Variants in NEMP2 observed in about 807,000 individuals in gnomAD.
The protein encoded by NEMP2 is UPF0571 transmembrane protein.
NEMP2 carries 53 observed loss-of-function variants against 54.2 expected under a neutral mutation model. The ratio of observed to expected loss-of-function variants is 0.98; its 90% CI spans 0.78 to 1.23. NEMP2 has a LOEUF of 1.23. Among genes scored for constraint, NEMP2 ranks in the 50% most tolerant of loss-of-function variants. NEMP2 has a pLI of 0.00. For synonymous variants in NEMP2, 197 were observed against 190.3 expected (o/e 1.04, Z -0.29); for missense variants, 455 against 511.3 (o/e 0.89, Z 1.06).
chr2:190,515,045 TGAAAG>T (rs1049972705), intron 6 of NEMP2, among the ~76,000 whole-genome samples: 2 of 152,138 alleles, frequency 1.3e-5, no homozygotes, highest in African/African-American at 4.8e-5. Context: ...CTTCTTGTCA[TGAAAG>T]GAAAAGGTAA....
chr2:190,454,938 A>G, the NEMP2 span, among the ~76,000 whole-genome samples: 10 of 40,702 alleles, frequency 2.5e-4, no homozygotes, highest in South Asian at 1.0e-3. The surrounding 1 kb of genome is among the most constrained non-coding windows in gnomAD (Gnocchi z 4.6). Context: ...TTCTGTATGT[A>G]TATGTATATG....
the NEMP2 span, among the ~76,000 whole-genome samples, chr2:190,605,185 G>C: frequency 6.6e-6 from 1 of 151,824 alleles, no homozygotes; most frequent in Non-Finnish European, 1.5e-5. Flanking sequence ...ATTTAATTAC[G>C]TCATTCTCTT....
rs1290746960 is a variant in NEMP2, at chr2:190,510,939, C to G, written c.954-402G>C. ...TTCTTAGATGGTAACAGTAATAATA[C>G]TTCTTAACTTCCTCTATATCATATC... On this transcript the variant is annotated intron_variant, in intron 7 of 8. Transcript: ENST00000409150. This position sits in a 1 kb window ranked among gnomAD's most constrained non-coding sequence, Gnocchi z 5.7. Among the ~76,000 whole-genome samples the G allele has an allele frequency of 1.3e-5, 2 of 151,094 alleles. No homozygotes were observed. Among genetic ancestry groups the G allele is most frequent in the Non-Finnish European group, 3.0e-5 (2 of 67,776 alleles).
the NEMP2 span, among the ~76,000 whole-genome samples, chr2:190,633,376 C>G: frequency 3.4e-4 from 51 of 148,822 alleles, no homozygotes; most frequent in Non-Finnish European, 5.0e-4. Flanking sequence ...TGCAATGGCG[C>G]GATCTTGGCT....
chr2:190,556,474 G>T, the NEMP2 span, among the ~76,000 whole-genome samples: 1 of 152,148 alleles, frequency 6.6e-6, no homozygotes, highest in Non-Finnish European at 1.5e-5. Context: ...GGAAGTTCTG[G>T]CCAGGGCAAT....
the NEMP2 span, among the ~76,000 whole-genome samples, chr2:190,546,994 G>A: frequency 9.9e-5 from 15 of 152,172 alleles, no homozygotes; most frequent in East Asian, 1.5e-3. The surrounding 1 kb of genome is among the most constrained non-coding windows in gnomAD (Gnocchi z 5.1). Flanking sequence ...GCTGACACTG[G>A]GTTCTCACAC....
the NEMP2 span, chr2:190,626,041 T>C: frequency 6.4e-6 from 1 of 155,480 alleles, no homozygotes; most frequent in Non-Finnish European, 1.4e-5. The surrounding 1 kb of genome is among the most constrained non-coding windows in gnomAD (Gnocchi z 4.5). Context: ...AAGATGCAGA[T>C]TCAGTGTCTG....
Position 190,522,880 on chromosome 2 carries a change from T to C in NEMP2, c.213+2383A>G, listed in dbSNP as rs1690799031. Among the ~76,000 whole-genome samples the C allele has an allele frequency of 6.6e-6, 1 of 152,186 alleles. No individual in the cohort carries two copies. The highest frequency in any genetic ancestry group is 6.5e-5 in the Admixed American group (1 of 15,268). Reference sequence around the variant, plus strand: ...CACTGCACCCCTCTCTGCTTCAAGTTGTCCCACCTTTCTGGACCTAACTAA... The same window carrying C: ...CACTGCACCCCTCTCTGCTTCAAGTCGTCCCACCTTTCTGGACCTAACTAA... On this transcript the variant is annotated intron_variant, in intron 2 of 8. Coordinates refer to ENST00000409150, the MANE Select transcript of NEMP2 (RefSeq NM_001142645.2). This position sits in a 1 kb window ranked among gnomAD's most constrained non-coding sequence, Gnocchi z 5.0.
chr2:190,648,537 T>TA, the NEMP2 span: 22,189 of 145,006 alleles, frequency 0.15, 1,768 homozygotes, highest in East Asian at 0.21. Flanking sequence ...TTTTTTTTTT[T>TA]TAAAGTCAGC....
At chr2:190,524,746 C>T (rs1416706999) in intron 2 of NEMP2, among the ~76,000 whole-genome samples, 5 of 152,136 alleles carry the variant, frequency 3.3e-5, no homozygotes, top group Admixed American at 2.0e-4. Context: ...ATGTAAATAT[C>T]CACAATGGCA....
Position 190,514,277 on chromosome 2 carries a change from G to A in NEMP2, c.953+176C>T, listed in dbSNP as rs764123056. Among the ~76,000 whole-genome samples the A allele has an allele frequency of 1.3e-5, 2 of 152,220 alleles. No homozygotes were observed. The highest frequency in any genetic ancestry group is 6.5e-5 in the Admixed American group (1 of 15,282). ...TCAACGATTAATGAAGACTAGCCATGAAGATGGGATCAGATGCTTGGAGCT... is the reference window on the plus strand; with the variant it reads ...TCAACGATTAATGAAGACTAGCCATAAAGATGGGATCAGATGCTTGGAGCT... On this transcript the variant is annotated intron_variant, in intron 7 of 8. Transcript: ENST00000409150. The surrounding 1 kb of genome is among the most constrained non-coding windows in gnomAD (Gnocchi z 5.7).
the NEMP2 span, among the ~76,000 whole-genome samples, chr2:190,550,871 G>A: frequency 6.6e-6 from 1 of 152,282 alleles, no homozygotes; most frequent in African/African-American, 2.4e-5. The surrounding 1 kb of genome is among the most constrained non-coding windows in gnomAD (Gnocchi z 4.7). Flanking sequence ...ACTCGTTTGT[G>A]TGGATGCCTG....
rs1342083029 is a variant in NEMP2 at position 190,525,309 on chromosome 2, T to C, written c.167A>G (p.Asn56Ser). 18 of 1,550,702 alleles carry C rather than the reference T, an allele frequency of 1.2e-5. No individual in the cohort carries two copies. The highest frequency in any genetic ancestry group is 4.9e-5 in the East Asian group (2 of 40,906). The change falls in exon 2 of 9, where the codon AAT becomes AGT. Residue 56 changes from asparagine to serine, a missense_variant. Transcript: ENST00000409150. The surrounding 1 kb of genome is among the most constrained non-coding windows in gnomAD (Gnocchi z 5.0). The part of the protein sequence containing the change: ...RTSESDCYCY[N>S]QNSQVEWKYI... ...TTTCCACTCCACTTGGGAATTTTGA[T>C]TGTAGCAGTAACAGTCTGACTCAGA...
At chr2:190,585,214 A>T in the NEMP2 span, among the ~76,000 whole-genome samples, 183 of 152,352 alleles carry the variant, frequency 1.2e-3, no homozygotes, top group Non-Finnish European at 2.1e-3. The surrounding 1 kb of genome is among the most constrained non-coding windows in gnomAD (Gnocchi z 5.3). Flanking sequence ...ATCTTTCTTT[A>T]TCCTATTTAT....
the NEMP2 span, among the ~76,000 whole-genome samples, chr2:190,540,352 TG>T: frequency 6.6e-6 from 1 of 151,798 alleles, no homozygotes; most frequent in Non-Finnish European, 1.5e-5. Flanking sequence ...GGCACGATCA[TG>T]GGTCACTGCA....
At chr2:190,464,201 G>A in the NEMP2 span, among the ~76,000 whole-genome samples, 3 of 152,156 alleles carry the variant, frequency 2.0e-5, no homozygotes, top group East Asian at 3.8e-4. Flanking sequence ...TCAGTCTAAC[G>A]GCAAATACTG....
At chr2:190,603,672 A>G in the NEMP2 span, among the ~76,000 whole-genome samples, 1 of 150,852 alleles carries the variant, frequency 6.6e-6, no homozygotes, top group East Asian at 2.0e-4. Flanking sequence ...GTGCTATGAT[A>G]GTTCTGTAGA....
the NEMP2 span, among the ~76,000 whole-genome samples, chr2:190,483,501 A>G: frequency 6.6e-6 from 1 of 152,230 alleles, no homozygotes; most frequent in African/African-American, 2.4e-5. Context: ...TGTGTAAAAC[A>G]CTTAGCACAA....
At chr2:190,647,245 GA>G in the NEMP2 span, among the ~76,000 whole-genome samples, 1 of 152,022 alleles carries the variant, frequency 6.6e-6, no homozygotes, top group East Asian at 1.9e-4. Context: ...TAATACTGAA[GA>G]AAAAGATTTA....
Sources: gnomAD v4.1 joint callset for allele counts (sites outside exome capture counted in the v4.1 genomes callset) on GRCh38, gnomAD v4.1.1 for gene constraint, Gnocchi (gnomAD v3.1) non-coding constraint, MANE v1.5 for transcripts, NCBI Gene and HGNC (gene_info 2026-07-23, HGNC 2026-07-21) for gene names.